Variants in KIAA1328 observed in about 807,000 individuals in gnomAD.
The protein encoded by KIAA1328 is KIAA1328.
In KIAA1328, 52 loss-of-function variants were observed where a neutral mutation model predicts 68.1. The ratio of observed to expected loss-of-function variants is 0.76; its 90% CI spans 0.61 to 0.96. The LOEUF (loss-of-function observed/expected upper bound fraction) is 0.96. KIAA1328 is among the 40% of genes least tolerant of loss of function. KIAA1328 has a pLI of 0.00. For missense variants in KIAA1328, 641 were observed against 677.6 expected, an observed-to-expected ratio of 0.95 and a Z score of 0.60; for synonymous variants, 232 against 239.4, an observed-to-expected ratio of 0.97 and a Z score of 0.28.
chr18:37,191,167 T>C (rs1294329490), intron 9 of KIAA1328, among the ~76,000 whole-genome samples: 2 of 152,224 alleles, frequency 1.3e-5, no homozygotes, highest in Non-Finnish European at 2.9e-5. Context: ...ATTCTAATTT[T>C]CTTAGCATCA....
intron 7 of KIAA1328, among the ~76,000 whole-genome samples, chr18:37,153,229 T>C (rs1256027327): frequency 1.3e-5 from 2 of 152,110 alleles, no homozygotes; most frequent in Non-Finnish European, 2.9e-5. Context: ...CAGGAGCCCC[T>C]CTCTGCAGGA....
intron 6 of KIAA1328, among the ~76,000 whole-genome samples, chr18:36,998,524 C>T (rs1313952905): frequency 6.6e-6 from 1 of 152,334 alleles, no homozygotes; most frequent in East Asian, 1.9e-4. Context: ...TACTGTGGCA[C>T]AAAGATAGGC....
chr18:37,009,052 G>A (rs2053884605), intron 6 of KIAA1328, among the ~76,000 whole-genome samples: 1 of 152,100 alleles, frequency 6.6e-6, no homozygotes, highest in African/African-American at 2.4e-5. Context: ...CTCTTGAAAA[G>A]TTCTTCATAA....
intron 6 of KIAA1328, among the ~76,000 whole-genome samples, chr18:37,059,737 T>C (rs1298322625): frequency 1.3e-5 from 2 of 152,150 alleles, no homozygotes; most frequent in Non-Finnish European, 2.9e-5. Flanking sequence ...GACACATGCA[T>C]ATGTATGTTT....
rs771407049 is a variant in KIAA1328, at chr18:36,959,441, C to T, written c.576+6C>T. 19 of 1,604,548 alleles carry T rather than the reference C, an allele frequency of 1.2e-5. No individual in the cohort carries two copies. Among genetic ancestry groups the T allele is most frequent in the Admixed American group, 5.2e-5 (3 of 57,846 alleles). On this transcript the variant is annotated splice_donor_region_variant and intron_variant, in intron 6 of 9. Transcript: ENST00000280020. ...CTAGAATGCAGGAACAGCAGGTAAGCATCTTTAATTTTACTTTTCTTGTCT... is the reference window on the plus strand; with the variant it reads ...CTAGAATGCAGGAACAGCAGGTAAGTATCTTTAATTTTACTTTTCTTGTCT...
chr18:37,127,643 G>A (rs1434068718), intron 7 of KIAA1328, among the ~76,000 whole-genome samples: 1 of 152,168 alleles, frequency 6.6e-6, no homozygotes, highest in African/African-American at 2.4e-5. Context: ...GTGTCATTAA[G>A]ATGTCAATTC....
chr18:36,876,240 G>A (rs1015703472), intron 4 of KIAA1328, among the ~76,000 whole-genome samples: 3 of 152,096 alleles, frequency 2.0e-5, no homozygotes, highest in Non-Finnish European at 4.4e-5. Context: ...CCAAAGGAAT[G>A]GTACCAGCTC....
intron 9 of KIAA1328, among the ~76,000 whole-genome samples, chr18:37,202,365 G>A (rs2060131652): frequency 6.6e-6 from 1 of 152,152 alleles, no homozygotes; most frequent in Non-Finnish European, 1.5e-5. Context: ...TCAGTTTGTT[G>A]TAGTTATTGT....
At chr18:37,103,655 G>A (rs182346652) in intron 7 of KIAA1328, among the ~76,000 whole-genome samples, 1 of 152,194 alleles carries the variant, frequency 6.6e-6, no homozygotes, top group African/African-American at 2.4e-5. Context: ...AGGCAAATGG[G>A]TTTGTATTAA....
chr18:37,142,552 T>C (rs1339615260), intron 7 of KIAA1328, among the ~76,000 whole-genome samples: 1 of 152,056 alleles, frequency 6.6e-6, no homozygotes, highest in Non-Finnish European at 1.5e-5. Context: ...GAAAAAAACT[T>C]TTTTCTTCAC....
intron 7 of KIAA1328, among the ~76,000 whole-genome samples, chr18:37,148,634 GT>G (rs2154209439): frequency 6.6e-6 from 1 of 152,276 alleles, no homozygotes; most frequent in South Asian, 2.1e-4. Flanking sequence ...AGCATCTGCT[GT>G]TTCTTGACTT....
chr18:36,993,592 G>T (rs2053273492), intron 6 of KIAA1328, among the ~76,000 whole-genome samples: 1 of 152,072 alleles, frequency 6.6e-6, no homozygotes, highest in African/African-American at 2.4e-5. Context: ...AGTTTGAAAG[G>T]TAATGTATTT....
intron 5 of KIAA1328, among the ~76,000 whole-genome samples, chr18:36,951,709 C>T (rs1568205724): frequency 6.6e-6 from 1 of 152,186 alleles, no homozygotes; most frequent in African/African-American, 2.4e-5. Flanking sequence ...CTTTATTCTG[C>T]ATTCTCTGTC....
At chr18:37,034,829 A>C (rs549580618) in intron 6 of KIAA1328, among the ~76,000 whole-genome samples, 1 of 152,222 alleles carries the variant, frequency 6.6e-6, no homozygotes, top group Non-Finnish European at 1.5e-5. Context: ...TTCAGTCAAC[A>C]TTGTGAAACA....
At chr18:37,146,435 G>T (rs1259301300) in intron 7 of KIAA1328, among the ~76,000 whole-genome samples, 1 of 152,092 alleles carries the variant, frequency 6.6e-6, no homozygotes, top group African/African-American at 2.4e-5. Context: ...TCTTTTTATT[G>T]CTGCATAGTA....
chr18:36,842,785 C>T (rs150098109), intron 3 of KIAA1328, among the ~76,000 whole-genome samples: 145 of 151,962 alleles, frequency 9.5e-4, no homozygotes, highest in Admixed American at 2.2e-3. Context: ...ATTGCCAAAT[C>T]CATTGCCTTC....
At position 36,941,409 on chromosome 18, in the gene KIAA1328, A is replaced by G. The variant is rs139664704; in HGVS notation, c.449-17899A>G. On this transcript the variant is annotated intron_variant, in intron 5 of 9. Coordinates refer to ENST00000280020, the MANE Select transcript of KIAA1328 (RefSeq NM_020776.3). The stretch of plus-strand genomic sequence containing the variant: ...CAGGAGTTCGAGACTAGCGTGGCCA[A>G]CGTGGTAAAACCCTATCTCAACCTA... Among the ~76,000 whole-genome samples the G allele has an allele frequency of 7.1e-3, 1,073 of 152,190 alleles. 6 individuals are homozygous for G. Among genetic ancestry groups the G allele is most frequent in the Non-Finnish European group, 9.1e-3 (617 of 68,028 alleles).
At chr18:36,963,004 C>A (rs762098990) in intron 6 of KIAA1328, among the ~76,000 whole-genome samples, 11 of 152,166 alleles carry the variant, frequency 7.2e-5, no homozygotes, top group Non-Finnish European at 1.6e-4. Flanking sequence ...CACAAAAAAA[C>A]CCTTCAAAAA....
chr18:37,124,631 G>T (rs1448143395), intron 7 of KIAA1328, among the ~76,000 whole-genome samples: 1 of 152,096 alleles, frequency 6.6e-6, no homozygotes, highest in African/African-American at 2.4e-5. Context: ...ACTTGAAATA[G>T]AAATCTGAAC....
Sources: allele counts gnomAD v4.1 joint callset (sites outside exome capture counted in the v4.1 genomes callset), GRCh38; gene constraint gnomAD v4.1.1; transcripts MANE v1.5; gene names NCBI Gene and HGNC (gene_info 2026-07-23, HGNC 2026-07-21).